BEND7: variants seen among roughly 807,000 people sequenced by gnomAD.
BEND7 encodes BEN domain containing 7.
Under a neutral mutation model 50.9 loss-of-function variants are expected in BEND7, and 28 were observed. That is an observed-to-expected ratio of 0.55 (90% CI 0.41 to 0.75). The LOEUF is 0.75. BEND7 is among the 30% of genes least tolerant of loss of function. The pLI, the probability that BEND7 is intolerant of heterozygous loss-of-function variation, is 0.00. For synonymous variants in BEND7, 170 were observed against 183.9 expected (o/e 0.92, Z 0.61); for missense variants, 477 against 491.3 (o/e 0.97, Z 0.28).
chr10:13,497,402 T>G (rs2077099976), intron 3 of BEND7, among the ~76,000 whole-genome samples: 1 of 152,226 alleles, frequency 6.6e-6, no homozygotes, highest in Non-Finnish European at 1.5e-5. Flanking sequence ...ATGAAAACTT[T>G]TAGAATACTC....
intron 2 of BEND7, among the ~76,000 whole-genome samples, chr10:13,510,832 T>C (rs894837690): frequency 2.0e-5 from 3 of 152,126 alleles, no homozygotes; most frequent in Admixed American, 1.3e-4. Context: ...CACACCTCTA[T>C]TGGTAATAGT....
At chr10:13,455,653 G>C (rs7093157) in intron 6 of BEND7, among the ~76,000 whole-genome samples, 12 of 151,858 alleles carry the variant, frequency 7.9e-5, no homozygotes, top group Non-Finnish European at 1.3e-4. Context: ...CATCACCCTG[G>C]GGGGGTTGGG....
In BEND7 at chr10:13,487,388, C is replaced by T. The variant is rs76662487; in HGVS notation, c.837+5223G>A. The stretch of plus-strand genomic sequence containing the variant: ...GCCTCAATTTCTTTTCTTTTCTTTT[C>T]TTTTTTTTTTTTTTTTGAGACGGAG... On this transcript the variant is annotated intron_variant, in intron 5 of 8. Transcript: ENST00000466271. Among the ~76,000 whole-genome samples, 524 of 122,728 alleles carry T rather than the reference C, an allele frequency of 4.3e-3. 19 individuals are homozygous for T. The highest frequency in any genetic ancestry group is 0.017 in the African/African-American group (437 of 26,222). 80.5% of individuals were successfully genotyped at this position (122,728 alleles called of 152,430 possible). A position where few individuals can be genotyped will look rare whatever the true frequency, so the allele number is the denominator to read the frequency against.
rs144739448 is a variant in BEND7, at chr10:13,516,815, G to T, written c.145+9323C>A. Among the ~76,000 whole-genome samples the T allele has an allele frequency of 2.5e-4, 38 of 152,268 alleles. No individual in the cohort carries two copies. In the East Asian group the frequency reaches 6.6e-3, roughly 26 times the overall value. On this transcript the variant is annotated intron_variant, in intron 2 of 8. Transcript: ENST00000466271. ...GCAAACAAAAATGCAAAGAGATCAGGCTAGATGATAGCAGGATACATACAG... is the reference window on the plus strand; with the variant it reads ...GCAAACAAAAATGCAAAGAGATCAGTCTAGATGATAGCAGGATACATACAG...
intron 5 of BEND7, among the ~76,000 whole-genome samples, chr10:13,485,150 C>G (rs1409622409): frequency 2.6e-5 from 4 of 152,138 alleles, no homozygotes; most frequent in Admixed American, 1.3e-4. Context: ...CGTGACTCCC[C>G]TGTATAATCG....
intron 4 of BEND7, 33 bp downstream of exon 4, chr10:13,496,733 C>A: frequency 6.3e-7 from 1 of 1,598,620 alleles, no homozygotes; most frequent in Non-Finnish European, 8.5e-7. Flanking sequence ...CATTAAAAAT[C>A]AAAGGACTCA....
At chr10:13,516,727 AG>A (rs2078703804) in intron 2 of BEND7, among the ~76,000 whole-genome samples, 1 of 152,308 alleles carries the variant, frequency 6.6e-6, no homozygotes, top group East Asian at 1.9e-4. Flanking sequence ...TCTAACTCAA[AG>A]GAAAAAAAAA....
intron 8 of BEND7, chr10:13,445,455 G>T (rs1836116213): frequency 6.6e-6 from 1 of 152,216 alleles, no homozygotes; most frequent in Non-Finnish European, 1.5e-5. Context: ...AAAGCTATAT[G>T]GTATCATGGC....
At chr10:13,464,691 A>C (rs2074051765) in intron 6 of BEND7, among the ~76,000 whole-genome samples, 1 of 152,228 alleles carries the variant, frequency 6.6e-6, no homozygotes, top group South Asian at 2.1e-4. Context: ...CAAGATGAAG[A>C]GGAACACTAT....
chr10:13,466,427 C>T (rs748992119), intron 6 of BEND7, among the ~76,000 whole-genome samples: 8 of 151,906 alleles, frequency 5.3e-5, no homozygotes, highest in Non-Finnish European at 7.4e-5. Context: ...GGCGTGGTGG[C>T]GCACACCTGT....
rs1487782582 is a variant in BEND7 at position 13,526,082 on chromosome 10, CT to C, written c.145+55del. On this transcript the variant is annotated intron_variant, in intron 2 of 8. Transcript: ENST00000466271. ...TCCTGAACAATTTCCTTTTTTCCCC[CT>C]AATTGCAAATGGTCACGATGTTTTG... 238 of 947,584 alleles carry C rather than the reference CT, an allele frequency of 2.5e-4. 4 individuals carry two copies. The Admixed American group carries it at 5.1e-3, about 20-fold the overall frequency. 58.7% of individuals were successfully genotyped at this position (947,584 alleles called of 1,614,324 possible).
chr10:13,450,163 G>A (rs548768718), intron 7 of BEND7, among the ~76,000 whole-genome samples: 15 of 152,198 alleles, frequency 9.9e-5, no homozygotes, highest in African/African-American at 1.7e-4. Flanking sequence ...TTTGCATAAC[G>A]GCCTTTCAAA....
rs1169462424 is a variant in BEND7 at position 13,452,784 on chromosome 10, C to G, written c.1064-126G>C. 3 of 828,848 alleles carry G rather than the reference C, an allele frequency of 3.6e-6. No homozygotes were observed. In the East Asian group the frequency reaches 8.6e-5, roughly 24 times the overall value. The allele number at this position is 828,848 out of a possible 1,614,324, so 51.3% of individuals were successfully genotyped here. The stretch of plus-strand genomic sequence containing the variant: ...AGGAGGTCAGTTCTGCACGATATGT[C>G]TTCGGTATCTGTATTATATTTGTTT... On this transcript the variant is annotated intron_variant, in intron 6 of 8. Coordinates refer to ENST00000466271, the MANE Select transcript of BEND7 (RefSeq NM_001369863.1).
At chr10:13,438,485 T>A (rs1196707285), downstream of BEND7, 1 of 152,122 alleles carries the variant, frequency 6.6e-6, no homozygotes, top group Non-Finnish European at 1.5e-5. Flanking sequence ...CTGTGATTCA[T>A]TTAAACATTC....
rs1044648 is a variant in BEND7 at position 13,441,313 on chromosome 10, G to C, written c.*430C>G. 5 of 990,160 alleles carry C rather than the reference G, an allele frequency of 5.0e-6. No homozygotes were observed. The highest frequency in any genetic ancestry group is 3.5e-5 in the African/African-American group (2 of 57,290). The allele number at this position is 990,160 out of a possible 1,614,324, so 61.3% of individuals were successfully genotyped here. On this transcript the variant is annotated 3_prime_UTR_variant, in exon 9 of 9. Coordinates refer to ENST00000466271, the MANE Select transcript of BEND7 (RefSeq NM_001369863.1). ...TAGATATGGATTTTTTTTTTGCTAA[G>C]AAAGCCTATAAAAAGGTTTCTGAAT...
intron 2 of BEND7, among the ~76,000 whole-genome samples, chr10:13,524,181 T>C (rs1344731297): frequency 6.6e-6 from 1 of 152,210 alleles, no homozygotes; most frequent in African/African-American, 2.4e-5. Context: ...GTAGTGACCT[T>C]ACCACTTTTC....
chr10:13,516,231 G>C (rs1018466287), intron 2 of BEND7, among the ~76,000 whole-genome samples: 1 of 152,200 alleles, frequency 6.6e-6, no homozygotes, highest in Non-Finnish European at 1.5e-5. Flanking sequence ...CGGAGGCAAA[G>C]GTAGTCGAGG....
At chr10:13,460,311 C>A (rs1223409217) in intron 6 of BEND7, among the ~76,000 whole-genome samples, 2 of 152,138 alleles carry the variant, frequency 1.3e-5, no homozygotes, top group African/African-American at 4.8e-5. Flanking sequence ...CCTGTTCCTG[C>A]CCAATTCCAC....
chr10:13,509,717 C>T (rs765231188), intron 2 of BEND7, among the ~76,000 whole-genome samples: 1 of 152,106 alleles, frequency 6.6e-6, no homozygotes, highest in Non-Finnish European at 1.5e-5. Context: ...CGGCACTGAA[C>T]GAAGCTTGAG....
Sources: gnomAD v4.1 joint callset for allele counts (sites outside exome capture counted in the v4.1 genomes callset) on GRCh38, gnomAD v4.1.1 for gene constraint, MANE v1.5 for transcripts, NCBI Gene and HGNC (gene_info 2026-07-23, HGNC 2026-07-21) for gene names.